PTPRG: variants seen among roughly 807,000 people sequenced by gnomAD.
The protein encoded by PTPRG is protein tyrosine phosphatase receptor type G, also known as receptor-type tyrosine-protein phosphatase gamma.
A neutral mutation model predicts 165.3 loss-of-function variants in PTPRG; 102 were observed. The ratio of observed to expected loss-of-function variants is 0.62; its 90% CI spans 0.53 to 0.73. The LOEUF is 0.73. Among genes scored for constraint, PTPRG ranks in the 30% least tolerant of loss-of-function variants. PTPRG has a pLI of 0.00. For synonymous variants in PTPRG, 675 were observed against 669.5 expected (o/e 1.01, Z -0.13); for missense variants, 1,866 against 1,861.4 (o/e 1.00, Z -0.05).
chr3:62,043,587 G>A (rs1178075130), intron 4 of PTPRG, among the ~76,000 whole-genome samples: 1 of 152,154 alleles, frequency 6.6e-6, no homozygotes, highest in Non-Finnish European at 1.5e-5. Flanking sequence ...GGTCTCTTTT[G>A]GCTCTTTGTT....
intron 8 of PTPRG, among the ~76,000 whole-genome samples, chr3:62,175,800 G>C (rs547663383): frequency 1.3e-5 from 2 of 152,176 alleles, no homozygotes; most frequent in Non-Finnish European, 2.9e-5. Flanking sequence ...CCCTTCTAGG[G>C]ATAAGGCAAG....
At chr3:61,716,711 G>T (rs558466106) in intron 1 of PTPRG, among the ~76,000 whole-genome samples, 3 of 152,144 alleles carry the variant, frequency 2.0e-5, no homozygotes, top group Non-Finnish European at 4.4e-5. Flanking sequence ...GTTGGCTCAC[G>T]CCTGTAATCC....
intron 2 of PTPRG, among the ~76,000 whole-genome samples, chr3:61,986,211 T>C (rs2040758880): frequency 6.6e-6 from 1 of 151,310 alleles, no homozygotes; most frequent in Non-Finnish European, 1.5e-5. Context: ...TTTCAATTCA[T>C]TCATTTGTAC....
At chr3:61,970,881 T>C (rs569382139) in intron 2 of PTPRG, among the ~76,000 whole-genome samples, 1 of 152,326 alleles carries the variant, frequency 6.6e-6, no homozygotes, top group South Asian at 2.1e-4. Context: ...ATCCTGAGTT[T>C]ATGAACCAAG....
chr3:62,067,018 C>G (rs57770814), intron 4 of PTPRG, among the ~76,000 whole-genome samples: 55 of 118,014 alleles, frequency 4.7e-4, no homozygotes, highest in African/African-American at 1.8e-3. Context: ...AGCTTGGCGA[C>G]AAAGTGAGAG....
chr3:61,963,452 C>T (rs1452230328), intron 2 of PTPRG, among the ~76,000 whole-genome samples: 4 of 152,046 alleles, frequency 2.6e-5, no homozygotes, highest in Admixed American at 6.6e-5. Flanking sequence ...TGAATTAATA[C>T]GCATTTAGTG....
chr3:61,613,964 AGCAGT>A (rs1262117762), intron 1 of PTPRG, among the ~76,000 whole-genome samples: 2 of 152,182 alleles, frequency 1.3e-5, no homozygotes, highest in African/African-American at 4.8e-5. Context: ...AATCTCCCTG[AGCAGT>A]GCTCTCTAAA....
chr3:61,823,659 T>C (rs1167968559), intron 2 of PTPRG, among the ~76,000 whole-genome samples: 1 of 152,254 alleles, frequency 6.6e-6, no homozygotes, highest in Non-Finnish European at 1.5e-5. Flanking sequence ...TATTTTTTAA[T>C]TTTGTAGACT....
chr3:61,633,293 T>C (rs187788723), intron 1 of PTPRG, among the ~76,000 whole-genome samples: 1 of 152,288 alleles, frequency 6.6e-6, no homozygotes, highest in Admixed American at 6.5e-5. Flanking sequence ...ACTTGAGATA[T>C]AGGAAGCACT....
chr3:61,582,086 G>C (rs767577173), intron 1 of PTPRG, among the ~76,000 whole-genome samples: 1 of 151,932 alleles, frequency 6.6e-6, no homozygotes, highest in Non-Finnish European at 1.5e-5. Context: ...TCCCATCTCA[G>C]CCTCCCGCAT....
chr3:62,012,256 C>A (rs1451213039), intron 4 of PTPRG, among the ~76,000 whole-genome samples: 1 of 152,122 alleles, frequency 6.6e-6, no homozygotes, highest in Non-Finnish European at 1.5e-5. Context: ...TGTTAGTACT[C>A]CAGAATCTGG....
intron 2 of PTPRG, among the ~76,000 whole-genome samples, chr3:61,970,349 T>G (rs2040356017): frequency 6.6e-6 from 1 of 151,966 alleles, no homozygotes; most frequent in African/African-American, 2.4e-5. Flanking sequence ...TTTTGAAAAA[T>G]CACTGACAAA....
At chr3:61,675,728 A>T (rs1225217433) in intron 1 of PTPRG, among the ~76,000 whole-genome samples, 2 of 152,232 alleles carry the variant, frequency 1.3e-5, no homozygotes, top group Non-Finnish European at 2.9e-5. Context: ...CAGCTGAAAC[A>T]AGGTTAGCCC....
chr3:62,003,266 G>C, intron 3 of PTPRG, 83 bp from the exon 4 acceptor site: 1 of 1,466,454 alleles, frequency 6.8e-7, no homozygotes, highest in African/African-American at 1.4e-5. Flanking sequence ...TGGTAATGGT[G>C]AACTTTATTA....
chr3:61,878,668 T>G (rs1222902396), intron 2 of PTPRG, among the ~76,000 whole-genome samples: 2 of 152,018 alleles, frequency 1.3e-5, no homozygotes, highest in African/African-American at 4.8e-5. Context: ...TAAGCTTATT[T>G]TATTTTTTTA....
chr3:61,907,651 C>G (rs112395204), intron 2 of PTPRG, among the ~76,000 whole-genome samples: 96 of 152,104 alleles, frequency 6.3e-4, no homozygotes, highest in African/African-American at 2.2e-3. Context: ...ACAAAAGTTC[C>G]TGTAATTAAG....
At chr3:61,970,642 G>C (rs2040361676) in intron 2 of PTPRG, among the ~76,000 whole-genome samples, 1 of 151,796 alleles carries the variant, frequency 6.6e-6, no homozygotes, top group Non-Finnish European at 1.5e-5. Context: ...TAGTAGTGAT[G>C]GCTTAACTGT....
chr3:62,162,189 G>A (rs1704791015), intron 7 of PTPRG, among the ~76,000 whole-genome samples: 1 of 152,048 alleles, frequency 6.6e-6, no homozygotes, highest in Admixed American at 6.6e-5. Flanking sequence ...CGAACCGACA[G>A]ATTAAAAACT....
chr3:62,174,533 T>G (rs1705341621), intron 8 of PTPRG, among the ~76,000 whole-genome samples: 2 of 152,314 alleles, frequency 1.3e-5, no homozygotes, highest in African/African-American at 4.8e-5. Context: ...TTAAAGGACA[T>G]GTACCACCGT....
Sources: allele counts gnomAD v4.1 joint callset (sites outside exome capture counted in the v4.1 genomes callset), GRCh38; gene constraint gnomAD v4.1.1; transcripts MANE v1.5; gene names NCBI Gene and HGNC (gene_info 2026-07-23, HGNC 2026-07-21).